Variants in ABCC12 observed in about 807,000 individuals in gnomAD.
ABCC12 encodes ATP binding cassette subfamily C member 12.
Under a neutral mutation model 151.1 loss-of-function variants are expected in ABCC12, and 142 were observed. The ratio of observed to expected loss-of-function variants is 0.94; its 90% confidence interval spans 0.82 to 1.08. The LOEUF (loss-of-function observed/expected upper bound fraction) is 1.08, where lower values mean the gene tolerates loss of function less well. Among genes scored for constraint, ABCC12 ranks in the 50% least tolerant of loss-of-function variants. The pLI is 0.00. For missense variants in ABCC12, 1,638 were observed against 1,691.1 expected (o/e 0.97, Z 0.55); for synonymous variants, 645 against 646.4 (o/e 1.00, Z 0.03).
intron 6 of ABCC12, among the ~76,000 whole-genome samples, chr16:48,139,869 C>T (rs567041820): frequency 3.9e-5 from 6 of 152,264 alleles, no homozygotes; most frequent in Admixed American, 3.3e-4. Flanking sequence ...CTGTCTGAAG[C>T]GTGGCTGGGA....
rs771541274 is a variant in ABCC12, at chr16:48,084,049, C to T, written c.3853G>A (p.Ala1285Thr). The change falls in exon 30 of 31, where the codon GCC becomes ACC. Residue 1285 changes from alanine (A) to threonine (T), a missense_variant. Transcript: ENST00000311303. ...SKIILLDEAT[A>T]SMDSKTDTLV... Reference sequence around the variant, plus strand: ...GTGTCAGTCTTGGAGTCCATAGAGGCGGTGGCTTCATCAAGGAGAATGATC... The same window carrying T: ...GTGTCAGTCTTGGAGTCCATAGAGGTGGTGGCTTCATCAAGGAGAATGATC... 152 of 1,609,866 alleles carry T rather than the reference C, an allele frequency of 9.4e-5. No individual in the cohort carries two copies. Among genetic ancestry groups the T allele is most frequent in the African/African-American group, 1.2e-4 (9 of 74,636 alleles).
intron 10 of ABCC12, among the ~76,000 whole-genome samples, chr16:48,129,595 G>T (rs1413719275): frequency 6.6e-6 from 1 of 152,132 alleles, no homozygotes; most frequent in Non-Finnish European, 1.5e-5. Flanking sequence ...GGGGACAAGG[G>T]TTCAAGGATT....
chr16:48,094,798 G>A (rs1045792058), intron 24 of ABCC12, among the ~76,000 whole-genome samples: 1 of 152,160 alleles, frequency 6.6e-6, no homozygotes, highest in Non-Finnish European at 1.5e-5. Context: ...AGTGAAGCCA[G>A]CCTATGGAAA....
At chr16:48,103,442 C>T (rs1963373022) in intron 22 of ABCC12, among the ~76,000 whole-genome samples, 1 of 151,990 alleles carries the variant, frequency 6.6e-6, no homozygotes, top group South Asian at 2.1e-4. Context: ...TGTGTAGTCT[C>T]CCTGATCCTC....
At chr16:48,112,163 G>T (rs953699744) in intron 15 of ABCC12, among the ~76,000 whole-genome samples, 16 of 152,152 alleles carry the variant, frequency 1.1e-4, no homozygotes, top group Admixed American at 2.0e-4. Context: ...CCTGGGGGCA[G>T]ATTGGCCCCC....
At chr16:48,105,610 A>C (rs973895401) in intron 20 of ABCC12, among the ~76,000 whole-genome samples, 2 of 152,244 alleles carry the variant, frequency 1.3e-5, no homozygotes, top group Non-Finnish European at 2.9e-5. Flanking sequence ...GGCACTGGGC[A>C]GACATCCCCG....
intron 11 of ABCC12, 86 bp downstream of exon 11, chr16:48,128,373 C>T (rs1964308081): frequency 6.5e-7 from 1 of 1,541,448 alleles, no homozygotes; most frequent in South Asian, 1.3e-5. Flanking sequence ...TCAGCTCTAA[C>T]TGAACTGTAT....
In ABCC12 at chr16:48,091,224, C is replaced by G; in HGVS notation, c.3196-15G>C. Reference sequence around the variant, plus strand: ...AGTCCGCTCAGCTGTTGAAAAGGAGCGAGCAGCCGCAGTTAGAGCCCCTTC... The same window carrying G: ...AGTCCGCTCAGCTGTTGAAAAGGAGGGAGCAGCCGCAGTTAGAGCCCCTTC... On this transcript the variant is annotated splice_polypyrimidine_tract_variant and intron_variant, in intron 24 of 30. Transcript: ENST00000311303. The G allele has an allele frequency of 6.2e-7, 1 of 1,613,162 alleles. No homozygotes were observed. The highest frequency in any genetic ancestry group is 1.3e-5 in the African/African-American group (1 of 75,016).
rs773359952 is a variant in ABCC12, at chr16:48,133,679, G to C, written c.1128+8C>G. On this transcript the variant is annotated splice_region_variant and intron_variant, in intron 9 of 30. Coordinates refer to ENST00000311303, the MANE Select transcript of ABCC12 (RefSeq NM_001393797.1). ...GTGAAAGAGCCTCGATCTGGAGCCA[G>C]CTCTTACCACGGGTGCGGTGAGTTT... 8.7e-6 allele frequency: 14 copies of C among 1,613,546 alleles called. No individual in the cohort carries two copies. The Admixed American group carries it at 2.3e-4, about 27-fold the overall frequency.
chr16:48,117,348 C>G lies in ABCC12; in HGVS notation c.1713-15G>C, dbSNP rs1963918766. 6.2e-7 allele frequency: 1 copy of G among 1,612,706 alleles called. No individual in the cohort carries two copies. The highest frequency in any genetic ancestry group is 8.5e-7 in the Non-Finnish European group (1 of 1,179,682). ...TGTGCTGATACCTGTTGGTGCAAAG[C>G]TCAGAAGTAGCTGGGTGAGAAAGAC... On this transcript the variant is annotated splice_polypyrimidine_tract_variant and intron_variant, in intron 13 of 30. Coordinates refer to ENST00000311303, the MANE Select transcript of ABCC12 (RefSeq NM_001393797.1).
chr16:48,120,707 C>A (rs1597315482), intron 13 of ABCC12, among the ~76,000 whole-genome samples: 1 of 152,078 alleles, frequency 6.6e-6, no homozygotes, highest in Admixed American at 6.6e-5. Flanking sequence ...AGGTGCCCAC[C>A]ACCACGCCCA....
At chr16:48,101,325 C>T (rs1255050677) in intron 22 of ABCC12, among the ~76,000 whole-genome samples, 1 of 152,130 alleles carries the variant, frequency 6.6e-6, no homozygotes, top group Non-Finnish European at 1.5e-5. Context: ...CAGCACAGCC[C>T]CTAAGTATCA....
In ABCC12 at chr16:48,128,612, C is replaced by A; in HGVS notation, c.1362G>T (p.Lys454Asn). Residue 454 changes from lysine to asparagine, a missense_variant, in exon 11 of 31, where the codon AAG (lysine) becomes AAT (asparagine). Lys to Asn is a moderately conservative substitution (Grantham distance 94). Coordinates refer to ENST00000311303, the MANE Select transcript of ABCC12 (RefSeq NM_001393797.1). ...AATGCCTTTTCTGGTTCTGCAATTT[C>A]TTTGGGGTACTTTTCCTGCTGGCTT... ...EHEASRKSTP[K>N]KLQNQKRHLC... 2 of 1,614,190 alleles carry A rather than the reference C, an allele frequency of 1.2e-6. No individual in the cohort carries two copies. The highest frequency in any genetic ancestry group is 2.2e-5 in the East Asian group (1 of 44,878).
intron 24 of ABCC12, among the ~76,000 whole-genome samples, chr16:48,092,200 A>G (rs2150588251): frequency 1.3e-5 from 2 of 152,358 alleles, no homozygotes; most frequent in Middle Eastern, 6.8e-3. Flanking sequence ...GCCTGCAAGC[A>G]TGTAATTTGT....
rs960330744 is a variant in ABCC12, at chr16:48,105,317, C to T, written c.2495G>A (p.Gly832Asp). The part of the protein sequence containing the change: ...KGSRMTCGPQ[G>D]NRTMCEVGAV... ...GCCGACCTCACACATGGTCCTGTTGCCCTGGGGCCCACAGGTCATCTTTGG... is the reference window on the plus strand; with the variant it reads ...GCCGACCTCACACATGGTCCTGTTGTCCTGGGGCCCACAGGTCATCTTTGG... Residue 832 changes from glycine to aspartate, a missense_variant, in exon 21 of 31, where the codon GGC (glycine) becomes GAC (aspartate). Coordinates refer to ENST00000311303, the MANE Select transcript of ABCC12 (RefSeq NM_001393797.1). 1 of 1,611,356 alleles carries T rather than the reference C, an allele frequency of 6.2e-7. No individual in the cohort carries two copies. The highest frequency in any genetic ancestry group is 1.3e-5 in the African/African-American group (1 of 74,866).
chr16:48,130,749 T>C (rs1344433914), intron 10 of ABCC12, 39 bp downstream of exon 10: 1 of 1,488,942 alleles, frequency 6.7e-7, no homozygotes, highest in African/African-American at 1.4e-5. Flanking sequence ...CACCCCAAAA[T>C]GAGATCTCTC....
At position 48,082,544 on chromosome 16, in the gene ABCC12, G is replaced by A. The variant is rs1030559290; in HGVS notation, c.*1171C>T. On this transcript the variant is annotated 3_prime_UTR_variant, in exon 31 of 31. Transcript: ENST00000311303. ...TTCATGGCTGCCACAAGTGTTTCCCGAGTGCTTCCAGGTGCCAGGCACTCC... is the reference window on the plus strand; with the variant it reads ...TTCATGGCTGCCACAAGTGTTTCCCAAGTGCTTCCAGGTGCCAGGCACTCC... Among the ~76,000 whole-genome samples, 3 of 152,160 alleles carry A rather than the reference G, an allele frequency of 2.0e-5. No homozygotes were observed. Among genetic ancestry groups the A allele is most frequent in the Admixed American group, 6.5e-5 (1 of 15,276 alleles).
At position 48,144,084 on chromosome 16, in the gene ABCC12, C is replaced by G. The variant is rs760745091; in HGVS notation, c.120-19G>C. 6 of 1,605,370 alleles carry G rather than the reference C, an allele frequency of 3.7e-6. No individual in the cohort carries two copies. The East Asian group carries it at 1.3e-4, about 36-fold the overall frequency. ...TGCTAACCTGCAGACAAACAAGACA[C>G]TCAGCGTTCCAGGCACTGGGGTCAT... On this transcript the variant is annotated intron_variant, in intron 3 of 30. Transcript: ENST00000311303.
intron 11 of ABCC12, 53 bp from the exon 12 acceptor site, chr16:48,124,337 G>T: frequency 1.3e-6 from 2 of 1,587,420 alleles, no homozygotes; most frequent in South Asian, 1.1e-5. Flanking sequence ...TTCTTAGAGG[G>T]TCTGGCCCAA....
Sources: allele counts gnomAD v4.1 joint callset (sites outside exome capture counted in the v4.1 genomes callset), GRCh38; gene constraint gnomAD v4.1.1; transcripts MANE v1.5; gene names NCBI Gene and HGNC (gene_info 2026-07-23, HGNC 2026-07-21).